NAV2: variants seen among roughly 807,000 people sequenced by gnomAD.
The protein encoded by NAV2 is helicase, APC down-regulated 1.
In NAV2, 54 loss-of-function variants were observed where a neutral mutation model predicts 223.2. The observed-to-expected ratio is 0.24, with a 90% CI of 0.19 to 0.30. NAV2 has a LOEUF of 0.30. NAV2 is among the 10% of genes least tolerant of loss of function. The probability of loss-of-function intolerance (pLI) is 1.00; values close to 1 mark genes in which losing one functional copy is unlikely to be tolerated. For synonymous variants in NAV2, 1,279 were observed against 1,239.3 expected, an observed-to-expected ratio of 1.03 and a Z score of -0.67; for missense variants, 2,806 against 3,147.5, an observed-to-expected ratio of 0.89 and a Z score of 2.60.
At position 20,077,649 on chromosome 11, in the gene NAV2, G is replaced by C; in HGVS notation, c.5067+14G>C. 1 of 1,606,470 alleles carries C rather than the reference G, an allele frequency of 6.2e-7. No homozygotes were observed. Among genetic ancestry groups the C allele is most frequent in the Non-Finnish European group, 8.5e-7 (1 of 1,173,138 alleles). ...GCTGAGCAGAAGGTAAGGCAGAAAGGATACTTTAACCCTCCCTACTTGGAG... is the reference window on the plus strand; with the variant it reads ...GCTGAGCAGAAGGTAAGGCAGAAAGCATACTTTAACCCTCCCTACTTGGAG... On this transcript the variant is annotated intron_variant, in intron 23 of 37. Coordinates refer to ENST00000349880, the MANE Select transcript of NAV2 (RefSeq NM_145117.5).
In NAV2 at chr11:20,049,906, T is replaced by C. The variant is rs370866637; in HGVS notation, c.4436+5T>C. 5.0e-6 allele frequency: 8 copies of C among 1,613,904 alleles called. No homozygotes were observed. Among genetic ancestry groups the C allele is most frequent in the African/African-American group, 4.0e-5 (3 of 74,904 alleles). ...TCTGCCCAGGAAACAGGACAGGTAATGACATTGCAGGCCGGGGACCAACCG... is the reference window on the plus strand; with the variant it reads ...TCTGCCCAGGAAACAGGACAGGTAACGACATTGCAGGCCGGGGACCAACCG... On this transcript the variant is annotated splice_donor_5th_base_variant and intron_variant, in intron 16 of 37. Coordinates refer to ENST00000349880, the MANE Select transcript of NAV2 (RefSeq NM_145117.5).
intron 15 of NAV2, 178 bp downstream of exon 15, chr11:20,049,373 C>T: frequency 3.4e-6 from 2 of 595,468 alleles, no homozygotes; most frequent in South Asian, 2.3e-5. Flanking sequence ...GCTCTGCTCC[C>T]TGTTATCTTT....
At chr11:20,027,207 T>C (rs908352992) in intron 11 of NAV2, 1 of 935,366 alleles carries the variant, frequency 1.1e-6, no homozygotes, top group African/African-American at 1.8e-5. Flanking sequence ...GTGGGAAATG[T>C]AGGTAGCCAA....
At chr11:19,555,362 C>T (rs2044846440) in intron 1 of NAV2, among the ~76,000 whole-genome samples, 2 of 152,242 alleles carry the variant, frequency 1.3e-5, no homozygotes, top group Non-Finnish European at 2.9e-5. Flanking sequence ...AGGTCTATCA[C>T]CTTGGGCAAG....
At chr11:19,563,977 AC>A (rs1462358972) in intron 1 of NAV2, among the ~76,000 whole-genome samples, 2 of 152,248 alleles carry the variant, frequency 1.3e-5, no homozygotes, top group Non-Finnish European at 2.9e-5. Flanking sequence ...TAAATATTGA[AC>A]AAATAAATAT....
chr11:20,041,202 A>C (rs569344553), intron 12 of NAV2, among the ~76,000 whole-genome samples: 1 of 152,218 alleles, frequency 6.6e-6, no homozygotes, highest in African/African-American at 2.4e-5. Context: ...ATATACCTCG[A>C]CTTATCCTTA....
chr11:20,070,258 G>A (rs2059316322), intron 22 of NAV2, among the ~76,000 whole-genome samples: 1 of 152,150 alleles, frequency 6.6e-6, no homozygotes, highest in Admixed American at 6.5e-5. Context: ...GCAAGTCAGG[G>A]TCTTCTGAGT....
At chr11:19,863,644 C>T (rs1481005724) in intron 3 of NAV2, among the ~76,000 whole-genome samples, 1 of 152,158 alleles carries the variant, frequency 6.6e-6, no homozygotes, top group African/African-American at 2.4e-5. Flanking sequence ...TGTTACCCTC[C>T]CCTTGGCCGT....
intron 10 of NAV2, among the ~76,000 whole-genome samples, chr11:19,977,873 C>T (rs7122345): frequency 0.022 from 3,207 of 146,082 alleles, 100 homozygotes; most frequent in African/African-American, 0.075. Flanking sequence ...GGCACAGTCT[C>T]GGCTCACTGC....
intron 11 of NAV2, among the ~76,000 whole-genome samples, chr11:19,997,343 A>G (rs913214208): frequency 6.6e-6 from 1 of 152,142 alleles, no homozygotes; most frequent in Non-Finnish European, 1.5e-5. Context: ...TGGAGAGAAT[A>G]GGTTCATTTT....
chr11:19,366,498 C>T (rs768315731), intron 1 of NAV2, among the ~76,000 whole-genome samples: 5 of 152,100 alleles, frequency 3.3e-5, no homozygotes, highest in African/African-American at 1.2e-4. Context: ...GGTGAGGAAG[C>T]ATGTGGCTGG....
chr11:19,659,322 G>T (rs1168938459), intron 1 of NAV2, among the ~76,000 whole-genome samples: 1 of 152,214 alleles, frequency 6.6e-6, no homozygotes, highest in Non-Finnish European at 1.5e-5. Context: ...AGTTCAGATG[G>T]AGTGTGTGGT....
At chr11:19,498,774 G>C (rs965555586) in intron 1 of NAV2, among the ~76,000 whole-genome samples, 2 of 152,166 alleles carry the variant, frequency 1.3e-5, no homozygotes, top group African/African-American at 4.8e-5. Flanking sequence ...GGAAAGCTTA[G>C]GTCCTTGCTC....
intron 20 of NAV2, among the ~76,000 whole-genome samples, chr11:20,064,343 G>C (rs537321141): frequency 6.6e-6 from 1 of 152,124 alleles, no homozygotes; most frequent in African/African-American, 2.4e-5. Flanking sequence ...TGCTACTGAC[G>C]GAGGAAGCTG....
Position 19,856,934 on chromosome 11 carries a change from C to A in NAV2, c.439-11991C>A, listed in dbSNP as rs374375425. Among the ~76,000 whole-genome samples the A allele has an allele frequency of 1.9e-3, 284 of 152,278 alleles. 1 individual carries two copies. The highest frequency in any genetic ancestry group is 6.2e-3 in the African/African-American group (259 of 41,558). ...CATGGATTGACTGTTCGTGAACAACCAGAAGAACCATAAGCTGCCGATAGT... is the reference window on the plus strand; with the variant it reads ...CATGGATTGACTGTTCGTGAACAACAAGAAGAACCATAAGCTGCCGATAGT... On this transcript the variant is annotated intron_variant, in intron 3 of 37. Transcript: ENST00000349880.
intron 1 of NAV2, among the ~76,000 whole-genome samples, chr11:19,474,957 C>G (rs1029293888): frequency 6.6e-6 from 1 of 152,220 alleles, no homozygotes; most frequent in Non-Finnish European, 1.5e-5. Flanking sequence ...GCCTGGTGCC[C>G]AGTACTCCAT....
At chr11:19,940,392 G>A (rs937475814) in intron 8 of NAV2, among the ~76,000 whole-genome samples, 7 of 152,068 alleles carry the variant, frequency 4.6e-5, no homozygotes, top group Non-Finnish European at 5.9e-5. Context: ...CTATACTATC[G>A]CATTCTTAAT....
At chr11:19,650,793 C>G (rs1181149473) in intron 1 of NAV2, among the ~76,000 whole-genome samples, 3 of 152,142 alleles carry the variant, frequency 2.0e-5, no homozygotes, top group African/African-American at 7.2e-5. Flanking sequence ...ATCTCAAAAA[C>G]ATGCTGAGAG....
chr11:19,684,361 C>T (rs75394105), intron 1 of NAV2, among the ~76,000 whole-genome samples: 2,118 of 152,162 alleles, frequency 0.014, 48 homozygotes, highest in African/African-American at 0.049. Context: ...CAGGAGGTAT[C>T]TGCCCTGCTG....
Sources: allele counts gnomAD v4.1 joint callset (sites outside exome capture counted in the v4.1 genomes callset), GRCh38; gene constraint gnomAD v4.1.1; transcripts MANE v1.5; gene names NCBI Gene and HGNC (gene_info 2026-07-23, HGNC 2026-07-21).